TEAD4: variants seen among roughly 807,000 people sequenced by gnomAD.
TEAD4 encodes the protein transcriptional enhancer factor TEF-3.
TEAD4 carries 36 observed loss-of-function variants against 52.4 expected under a neutral mutation model. The observed-to-expected ratio is 0.69, with a 90% CI of 0.53 to 0.91. The LOEUF is 0.91. TEAD4 is among the 40% of genes least tolerant of loss of function. The pLI is 0.00. For missense variants in TEAD4, 508 were observed against 583.9 expected (o/e 0.87, Z 1.34); for synonymous variants, 220 against 231.0 (o/e 0.95, Z 0.43).
chr12:3,018,526 A>T lies in TEAD4; in HGVS notation c.484-19A>T. The T allele has an allele frequency of 1.2e-6, 2 of 1,613,892 alleles. No homozygotes were observed. Among genetic ancestry groups the T allele is most frequent in the Non-Finnish European group, 8.5e-7 (1 of 1,179,932 alleles). On this transcript the variant is annotated intron_variant, in intron 6 of 12. Transcript: ENST00000359864. ...GTGCACCTGGGGCCGTGCTGATTCC[A>T]TGCCTTTTGCCTCCTCAGTTTTGGC...
At chr12:2,997,095 G>A (rs1002370339) in intron 3 of TEAD4, among the ~76,000 whole-genome samples, 2 of 152,166 alleles carry the variant, frequency 1.3e-5, no homozygotes, top group African/African-American at 2.4e-5. Context: ...GAAGCTCTCA[G>A]GGACCCAGGA....
At chr12:2,968,155 C>T (rs886411505) in intron 2 of TEAD4, among the ~76,000 whole-genome samples, 2 of 142,540 alleles carry the variant, frequency 1.4e-5, no homozygotes, top group African/African-American at 2.5e-5. Context: ...GGCGTGATCT[C>T]GACTCACCGC....
chr12:2,967,059 C>G (rs926858495), intron 2 of TEAD4, among the ~76,000 whole-genome samples: 2 of 152,088 alleles, frequency 1.3e-5, no homozygotes, highest in Non-Finnish European at 2.9e-5. Context: ...CTGATAGAAC[C>G]AGGGTTCAAA....
chr12:3,036,938 T>C (rs575330304), intron 10 of TEAD4, among the ~76,000 whole-genome samples: 1 of 152,236 alleles, frequency 6.6e-6, no homozygotes, highest in African/African-American at 2.4e-5. Flanking sequence ...TTTCACTTAC[T>C]AGTTGGATGG....
At chr12:2,993,871 G>T (rs1475820469) in intron 2 of TEAD4, among the ~76,000 whole-genome samples, 1 of 152,174 alleles carries the variant, frequency 6.6e-6, no homozygotes. Flanking sequence ...TGTCCTAAAG[G>T]TCCGTCTGTG....
rs182955826 is a variant in TEAD4, at chr12:3,040,356, C to T, written c.1192-9C>T. The stretch of plus-strand genomic sequence containing the variant: ...GCCTTATTAACCCTTGTCTTTTTCT[C>T]TCCCACAGGTGGTCACCAACAGAGA... On this transcript the variant is annotated splice_polypyrimidine_tract_variant and intron_variant, in intron 12 of 12. Coordinates refer to ENST00000359864, the MANE Select transcript of TEAD4 (RefSeq NM_003213.4). The T allele has an allele frequency of 1.2e-6, 2 of 1,614,168 alleles. No individual in the cohort carries two copies. The highest frequency in any genetic ancestry group is 1.7e-5 in the Admixed American group (1 of 60,026).
chr12:3,036,571 G>T lies in TEAD4; in HGVS notation c.898-1397G>T, dbSNP rs577902150. The stretch of plus-strand genomic sequence containing the variant: ...CCTTGGTGTCAGAACCTTGACCAAG[G>T]CCTGACGCTTTACTGCATTCGTAGG... On this transcript the variant is annotated intron_variant, in intron 10 of 12. Coordinates refer to ENST00000359864, the MANE Select transcript of TEAD4 (RefSeq NM_003213.4). Among the ~76,000 whole-genome samples the T allele has an allele frequency of 1.4e-4, 21 of 152,304 alleles. No homozygotes were observed. In the East Asian group the frequency reaches 3.9e-3, roughly 28 times the overall value.
At chr12:3,025,156 C>CT (rs2098271305) in intron 10 of TEAD4, among the ~76,000 whole-genome samples, 1 of 152,188 alleles carries the variant, frequency 6.6e-6, no homozygotes, top group Non-Finnish European at 1.5e-5. Context: ...GTTGGCCAGC[C>CT]TGGTCTTGAA....
At chr12:2,966,163 T>G (rs998423014) in intron 2 of TEAD4, among the ~76,000 whole-genome samples, 1 of 152,162 alleles carries the variant, frequency 6.6e-6, no homozygotes, top group African/African-American at 2.4e-5. Flanking sequence ...GTAAGCCTTT[T>G]CAGTCTAATG....
chr12:2,973,858 C>T (rs749954926), intron 2 of TEAD4, among the ~76,000 whole-genome samples: 10 of 152,082 alleles, frequency 6.6e-5, no homozygotes, highest in South Asian at 2.1e-4. Context: ...ATGGGAGGCG[C>T]GGTAACTGGC....
chr12:3,033,723 A>G (rs544622513), intron 10 of TEAD4, among the ~76,000 whole-genome samples: 7 of 152,298 alleles, frequency 4.6e-5, no homozygotes, highest in African/African-American at 1.7e-4. Flanking sequence ...ACCCGCACGC[A>G]CAGCTATGAA....
At chr12:2,965,417 C>T (rs1344503478) in intron 2 of TEAD4, among the ~76,000 whole-genome samples, 1 of 151,892 alleles carries the variant, frequency 6.6e-6, no homozygotes, top group Non-Finnish European at 1.5e-5. Flanking sequence ...ACCTTGGCCT[C>T]CCAAAGTGCT....
intron 10 of TEAD4, among the ~76,000 whole-genome samples, chr12:3,031,657 G>A (rs2098275629): frequency 6.6e-6 from 1 of 152,156 alleles, no homozygotes. Context: ...TGAGAGAGAT[G>A]ACAGCTGCAC....
At chr12:2,987,406 TG>T (rs1399068107) in intron 2 of TEAD4, among the ~76,000 whole-genome samples, 2 of 118,338 alleles carry the variant, frequency 1.7e-5, no homozygotes, top group Non-Finnish European at 3.6e-5. Flanking sequence ...AGAATCAGCT[TG>T]TTTTTTTTGT....
chr12:3,015,643 G>A lies in TEAD4; in HGVS notation c.355-1755G>A, dbSNP rs114905316. 2.5e-3 allele frequency among the ~76,000 whole-genome samples: 388 copies of A among 152,296 alleles called. 1 individual carries two copies. Among genetic ancestry groups the A allele is most frequent in the African/African-American group, 8.7e-3 (361 of 41,568 alleles). ...GAGCTGGCGAGCTGCAGGGCTCACC[G>A]TTGCTTCTCAACTTCTGTTTTTAGT... On this transcript the variant is annotated intron_variant, in intron 5 of 12. Transcript: ENST00000359864.
intron 3 of TEAD4, among the ~76,000 whole-genome samples, chr12:3,004,401 C>T (rs549741032): frequency 2.6e-5 from 4 of 152,208 alleles, no homozygotes; most frequent in Non-Finnish European, 5.9e-5. Flanking sequence ...CTCTGGGCTT[C>T]CATTTCATCT....
chr12:2,982,905 G>A (rs954946347), intron 2 of TEAD4, among the ~76,000 whole-genome samples: 5 of 152,188 alleles, frequency 3.3e-5, no homozygotes, highest in African/African-American at 4.8e-5. Context: ...AACTTCTGCA[G>A]GGACTGATGG....
chr12:2,968,645 T>TTTTTG (rs1209433789), intron 2 of TEAD4, among the ~76,000 whole-genome samples: 1 of 151,686 alleles, frequency 6.6e-6, no homozygotes, highest in Non-Finnish European at 1.5e-5. Context: ...GCTGGTGTTT[T>TTTTTG]TTTTGTTTTG....
chr12:2,971,309 T>C (rs1021821868), intron 2 of TEAD4, among the ~76,000 whole-genome samples: 41 of 151,850 alleles, frequency 2.7e-4, no homozygotes, highest in African/African-American at 9.7e-4. Flanking sequence ...CAAGCGTGTA[T>C]ATGTGTAAGA....
Sources: gnomAD v4.1 joint callset for allele counts (sites outside exome capture counted in the v4.1 genomes callset) on GRCh38, gnomAD v4.1.1 for gene constraint, MANE v1.5 for transcripts, NCBI Gene and HGNC (gene_info 2026-07-23, HGNC 2026-07-21) for gene names.